The following FAT3 variants were observed in gnomAD, a reference collection of about 807,000 sequenced individuals.
The protein encoded by FAT3 is protocadherin Fat 3.
In FAT3, 95 loss-of-function variants were observed where a neutral mutation model predicts 310.2. The ratio of observed to expected loss-of-function variants is 0.31; its 90% CI spans 0.26 to 0.36. FAT3 has a LOEUF of 0.36. Ranked by LOEUF, FAT3 falls within the 10% of genes least tolerant of loss-of-function variation. The probability of loss-of-function intolerance (pLI) is 1.00; values close to 1 mark genes in which losing one functional copy is unlikely to be tolerated. For synonymous variants in FAT3, 2,314 were observed against 2,192.9 expected, an observed-to-expected ratio of 1.06 and a Z score of -1.54; for missense variants, 5,408 against 5,715.6, an observed-to-expected ratio of 0.95 and a Z score of 1.74.
chr11:92,733,296 A>T (rs985841193), intron 4 of FAT3, among the ~76,000 whole-genome samples: 1 of 152,124 alleles, frequency 6.6e-6, no homozygotes, highest in Non-Finnish European at 1.5e-5. Flanking sequence ...AACTGGGCAC[A>T]TTCTGATGTT....
At chr11:92,609,922 G>C (rs1396568243) in intron 3 of FAT3, among the ~76,000 whole-genome samples, 1 of 152,078 alleles carries the variant, frequency 6.6e-6, no homozygotes, top group Non-Finnish European at 1.5e-5. Context: ...GTAAAATTAA[G>C]ATTTATTTAT....
chr11:92,409,909 G>T (rs1205487101), intron 2 of FAT3, among the ~76,000 whole-genome samples: 2 of 152,102 alleles, frequency 1.3e-5, no homozygotes, highest in Admixed American at 6.6e-5. Flanking sequence ...CAGTGTAGTG[G>T]AGTGGACATA....
At chr11:92,533,152 C>A (rs1320030822) in intron 3 of FAT3, among the ~76,000 whole-genome samples, 1 of 151,960 alleles carries the variant, frequency 6.6e-6, no homozygotes, top group East Asian at 1.9e-4. Context: ...TCTTAGCCTC[C>A]CAAGTAGCTG....
intron 16 of FAT3, 23 bp downstream of exon 16, chr11:92,836,726 C>T (rs867918740): frequency 1.2e-6 from 2 of 1,605,112 alleles, no homozygotes; most frequent in African/African-American, 1.3e-5. Context: ...AGGACAGTTT[C>T]CTTCCCATCC....
intron 2 of FAT3, among the ~76,000 whole-genome samples, chr11:92,521,698 T>C (rs1244227126): frequency 6.6e-6 from 1 of 152,174 alleles, no homozygotes; most frequent in Non-Finnish European, 1.5e-5. Flanking sequence ...CTAGGGTTCT[T>C]CTACATTTAG....
chr11:92,323,552 A>G (rs1399618606), intron 1 of FAT3, among the ~76,000 whole-genome samples: 1 of 151,492 alleles, frequency 6.6e-6, no homozygotes, highest in Admixed American at 6.6e-5. Flanking sequence ...TGCACCTGGC[A>G]CAGTTAATAC....
intron 1 of FAT3, among the ~76,000 whole-genome samples, chr11:92,349,871 G>A (rs1425765151): frequency 6.6e-6 from 1 of 151,562 alleles, no homozygotes; most frequent in Non-Finnish European, 1.5e-5. Flanking sequence ...TGTTTTCTAC[G>A]GGATACTTCA....
At chr11:92,702,629 C>T (rs998856582) in intron 4 of FAT3, among the ~76,000 whole-genome samples, 1 of 152,198 alleles carries the variant, frequency 6.6e-6, no homozygotes, top group Non-Finnish European at 1.5e-5. Context: ...CCTTTCTTTT[C>T]CTGGACTGGC....
intron 3 of FAT3, among the ~76,000 whole-genome samples, chr11:92,556,032 G>A (rs1955007381): frequency 6.6e-6 from 1 of 152,136 alleles, no homozygotes; most frequent in Admixed American, 6.5e-5. Flanking sequence ...TGTTATATGA[G>A]GTCATGAAGG....
intron 3 of FAT3, among the ~76,000 whole-genome samples, chr11:92,694,732 G>T (rs1301867735): frequency 6.6e-6 from 1 of 152,154 alleles, no homozygotes; most frequent in Non-Finnish European, 1.5e-5. Flanking sequence ...GGCCGGAAGA[G>T]CAGCAGGGTG....
At chr11:92,312,256 G>C (rs995218311) in intron 1 of FAT3, among the ~76,000 whole-genome samples, 1 of 152,166 alleles carries the variant, frequency 6.6e-6, no homozygotes, top group Non-Finnish European at 1.5e-5. Flanking sequence ...TGGTATATGG[G>C]AGTTGTTTAG....
chr11:92,697,313 C>T (rs1943971444), intron 3 of FAT3, 71 bp from the exon 4 acceptor site: 1 of 1,414,802 alleles, frequency 7.1e-7, no homozygotes, highest in African/African-American at 1.4e-5. Context: ...TTTAACTGGA[C>T]TTGTTTCCCC....
At chr11:92,488,394 G>A (rs980524657) in intron 2 of FAT3, among the ~76,000 whole-genome samples, 7 of 118,910 alleles carry the variant, frequency 5.9e-5, no homozygotes, top group African/African-American at 1.5e-4. Flanking sequence ...AATATTTTCT[G>A]TTTTAAGCTG....
intron 3 of FAT3, among the ~76,000 whole-genome samples, chr11:92,648,161 G>T (rs1307053680): frequency 6.6e-6 from 1 of 152,194 alleles, no homozygotes; most frequent in African/African-American, 2.4e-5. Flanking sequence ...GGTAGGTAGG[G>T]TAGGGAAGAT....
At chr11:92,609,608 C>A (rs1384104357) in intron 3 of FAT3, among the ~76,000 whole-genome samples, 2 of 152,094 alleles carry the variant, frequency 1.3e-5, no homozygotes, top group East Asian at 3.9e-4. Context: ...GGTATCAAAG[C>A]AAGTTTTGCT....
At chr11:92,779,586 CTTACAG>C (rs1413737063) in intron 7 of FAT3, among the ~76,000 whole-genome samples, 1 of 152,094 alleles carries the variant, frequency 6.6e-6, no homozygotes, top group African/African-American at 2.4e-5. Context: ...TCATTTAACT[CTTACAG>C]TTACTCAGTG....
At chr11:92,671,630 A>G (rs1308471343) in intron 3 of FAT3, among the ~76,000 whole-genome samples, 2 of 151,990 alleles carry the variant, frequency 1.3e-5, no homozygotes. Flanking sequence ...CCTTCAAAGC[A>G]TTTATTGTTT....
chr11:92,520,608 G>A lies in FAT3; in HGVS notation c.3293-4026G>A, dbSNP rs79815424. 8.5e-5 allele frequency among the ~76,000 whole-genome samples: 13 copies of A among 152,198 alleles called. No homozygotes were observed. In the East Asian group the frequency reaches 2.3e-3, roughly 27 times the overall value. On this transcript the variant is annotated intron_variant, in intron 2 of 27. Coordinates refer to ENST00000525166, the MANE Select transcript of FAT3 (RefSeq NM_001367949.2). ...AAAGTGAGATTTGATTGATAAAAGA[G>A]GTAATGTGGATTTACATTCTTAGCT...
chr11:92,508,115 C>T (rs1381148980), intron 2 of FAT3, among the ~76,000 whole-genome samples: 1 of 152,058 alleles, frequency 6.6e-6, no homozygotes, highest in African/African-American at 2.4e-5. Context: ...AACAATAATA[C>T]AAAACTAAGA....
Sources: gnomAD v4.1 joint callset for allele counts (sites outside exome capture counted in the v4.1 genomes callset) on GRCh38, gnomAD v4.1.1 for gene constraint, MANE v1.5 for transcripts, NCBI Gene and HGNC (gene_info 2026-07-23, HGNC 2026-07-21) for gene names.